Variants in GABRB3 observed in about 807,000 individuals in gnomAD.
GABRB3 encodes gamma-aminobutyric acid type A receptor subunit beta3.
GABRB3 carries 14 observed loss-of-function variants against 52.1 expected under a neutral mutation model. The ratio of observed to expected loss-of-function variants is 0.27; its 90% CI spans 0.18 to 0.42. GABRB3 has a LOEUF of 0.42. GABRB3 is among the 10% of genes least tolerant of loss of function. GABRB3 has a pLI of 1.00. For missense variants in GABRB3, 307 were observed against 609.1 expected, an observed-to-expected ratio of 0.50 and a Z score of 5.22; for synonymous variants, 260 against 232.3, an observed-to-expected ratio of 1.12 and a Z score of -1.08.
At chr15:26,661,100 A>C (rs918439787) in intron 3 of GABRB3, among the ~76,000 whole-genome samples, 1 of 152,168 alleles carries the variant, frequency 6.6e-6, no homozygotes, top group Non-Finnish European at 1.5e-5. Flanking sequence ...ATAAAAAAAA[A>C]ATTAAAAGAA....
intron 4 of GABRB3, among the ~76,000 whole-genome samples, chr15:26,591,070 A>G (rs1217697785): frequency 6.6e-6 from 1 of 152,144 alleles, no homozygotes; most frequent in African/African-American, 2.4e-5. Context: ...TCATCTTTTC[A>G]GAGACTACCC....
At chr15:26,623,380 T>C (rs1408362912) in intron 3 of GABRB3, among the ~76,000 whole-genome samples, 1 of 152,188 alleles carries the variant, frequency 6.6e-6, no homozygotes, top group African/African-American at 2.4e-5. Context: ...GTGCCTTTTA[T>C]TTCTGTGTTC....
intron 3 of GABRB3, chr15:26,772,065 C>T (rs1034142381): frequency 4.1e-5 from 11 of 267,462 alleles, no homozygotes; most frequent in Admixed American, 5.6e-5. Context: ...GCTAAGGAGG[C>T]GAGACAGCGC....
At chr15:26,681,462 G>A (rs896741911) in intron 3 of GABRB3, among the ~76,000 whole-genome samples, 1 of 152,150 alleles carries the variant, frequency 6.6e-6, no homozygotes, top group Non-Finnish European at 1.5e-5. Context: ...TCTGTGCTAA[G>A]GTATGCAAAG....
intron 3 of GABRB3, among the ~76,000 whole-genome samples, chr15:26,710,252 GT>G (rs145171693): frequency 6.6e-6 from 1 of 151,930 alleles, no homozygotes; most frequent in Non-Finnish European, 1.5e-5. Flanking sequence ...CATATAATTT[GT>G]TTTTTTGTTT....
At position 26,651,141 on chromosome 15, in the gene GABRB3, G is replaced by A. The variant is rs187354715; in HGVS notation, c.241-29607C>T. 3.8e-3 allele frequency among the ~76,000 whole-genome samples: 576 copies of A among 152,304 alleles called. 5 individuals are homozygous for A. The highest frequency in any genetic ancestry group is 0.013 in the African/African-American group (549 of 41,548). Reference sequence around the variant, plus strand: ...ACTGCCACAAGGGGCCAACTGAGCTGCTAACACACTGCCATCTGCAGACAG... The same window carrying A: ...ACTGCCACAAGGGGCCAACTGAGCTACTAACACACTGCCATCTGCAGACAG... On this transcript the variant is annotated intron_variant, in intron 3 of 8. Coordinates refer to ENST00000311550, the MANE Select transcript of GABRB3 (RefSeq NM_000814.6).
chr15:26,641,338 A>C (rs1893195453), intron 3 of GABRB3, among the ~76,000 whole-genome samples: 2 of 152,224 alleles, frequency 1.3e-5, no homozygotes, highest in African/African-American at 4.8e-5. Flanking sequence ...TCTGCAGAGA[A>C]GGCTTGCTTC....
intron 3 of GABRB3, among the ~76,000 whole-genome samples, chr15:26,648,989 A>G (rs954373668): frequency 6.6e-6 from 1 of 152,084 alleles, no homozygotes; most frequent in Admixed American, 6.5e-5. Flanking sequence ...GCAGGTGTGG[A>G]AACAGCAAAG....
At chr15:26,686,612 T>C (rs1888414869) in intron 3 of GABRB3, among the ~76,000 whole-genome samples, 1 of 152,230 alleles carries the variant, frequency 6.6e-6, no homozygotes, top group Non-Finnish European at 1.5e-5. Flanking sequence ...TCATAGCTCA[T>C]GGAAATATAC....
chr15:26,629,368 C>G (rs1249569715), intron 3 of GABRB3, among the ~76,000 whole-genome samples: 1 of 152,210 alleles, frequency 6.6e-6, no homozygotes. Flanking sequence ...CGCTGTGCGG[C>G]GTGGAGAACC....
At chr15:26,732,973 G>A (rs926797218) in intron 3 of GABRB3, among the ~76,000 whole-genome samples, 1 of 148,590 alleles carries the variant, frequency 6.7e-6, no homozygotes, top group Non-Finnish European at 1.5e-5. Context: ...ACTCCAGCCT[G>A]AGTGACAGAG....
chr15:26,670,368 A>G (rs1887857012), intron 3 of GABRB3, among the ~76,000 whole-genome samples: 1 of 152,150 alleles, frequency 6.6e-6, no homozygotes, highest in Admixed American at 6.5e-5. Context: ...GCACTGCAGC[A>G]TGGGCTCCGG....
chr15:26,579,006 C>G (rs1416298382), intron 6 of GABRB3, among the ~76,000 whole-genome samples: 1 of 152,158 alleles, frequency 6.6e-6, no homozygotes, highest in Non-Finnish European at 1.5e-5. Context: ...GATAAAGTGG[C>G]ACTGCATAGA....
intron 7 of GABRB3, among the ~76,000 whole-genome samples, chr15:26,563,118 C>T (rs1890048181): frequency 1.3e-5 from 2 of 152,162 alleles, no homozygotes; most frequent in African/African-American, 4.8e-5. Flanking sequence ...GAAGACCGAG[C>T]GCTTTGCTTT....
At chr15:26,686,225 G>A (rs868532727) in intron 3 of GABRB3, among the ~76,000 whole-genome samples, 24 of 152,152 alleles carry the variant, frequency 1.6e-4, no homozygotes, top group African/African-American at 4.6e-4. Flanking sequence ...GATTACAGGC[G>A]TGAGCCACTG....
intron 8 of GABRB3, among the ~76,000 whole-genome samples, chr15:26,550,910 A>C (rs1889438633): frequency 6.6e-6 from 1 of 152,246 alleles, no homozygotes; most frequent in Non-Finnish European, 1.5e-5. Context: ...ATAGGAGGTG[A>C]GAGGGAAGAT....
At chr15:26,715,912 T>C (rs1393275279) in intron 3 of GABRB3, among the ~76,000 whole-genome samples, 1 of 152,190 alleles carries the variant, frequency 6.6e-6, no homozygotes, top group African/African-American at 2.4e-5. Context: ...CTCTAAGATT[T>C]CCAGACTTGC....
In GABRB3 at chr15:26,644,084, T is replaced by C. The variant is rs184619498; in HGVS notation, c.241-22550A>G. ...TCCAGGCTGAGGGGCCTACCAGCGG[T>C]TGCAGGGATGGACATTCAGGCCAGA... On this transcript the variant is annotated intron_variant, in intron 3 of 8. Coordinates refer to ENST00000311550, the MANE Select transcript of GABRB3 (RefSeq NM_000814.6). 1.7e-3 allele frequency among the ~76,000 whole-genome samples: 264 copies of C among 152,244 alleles called. 3 individuals are homozygous for C. Among genetic ancestry groups the C allele is most frequent in the African/African-American group, 6.1e-3 (253 of 41,534 alleles).
chr15:26,693,705 G>GAC (rs1273813289), intron 3 of GABRB3, among the ~76,000 whole-genome samples: 1 of 152,036 alleles, frequency 6.6e-6, no homozygotes, highest in East Asian at 1.9e-4. Flanking sequence ...GAGAGAGAGA[G>GAC]AGATAGATAC....
Sources: allele counts gnomAD v4.1 joint callset (sites outside exome capture counted in the v4.1 genomes callset), GRCh38; gene constraint gnomAD v4.1.1; transcripts MANE v1.5; gene names NCBI Gene and HGNC (gene_info 2026-07-23, HGNC 2026-07-21).